MARCHF11: variants seen among roughly 807,000 people sequenced by gnomAD.
MARCHF11 encodes the protein E3 ubiquitin-protein ligase MARCHF11.
Under a neutral mutation model 37.3 loss-of-function variants are expected in MARCHF11, and 29 were observed. That is an observed-to-expected ratio of 0.78 (90% CI 0.58 to 1.06). The LOEUF is 1.06. Among genes scored for constraint, MARCHF11 ranks in the 50% least tolerant of loss-of-function variants. The pLI is 0.00. For missense variants in MARCHF11, 482 were observed against 533.4 expected (o/e 0.90, Z 0.95); for synonymous variants, 233 against 228.0 (o/e 1.02, Z -0.20).
chr5:16,069,269 C>T (rs1366342358), intron 3 of MARCHF11, among the ~76,000 whole-genome samples: 2 of 152,156 alleles, frequency 1.3e-5, no homozygotes, highest in South Asian at 2.1e-4. Context: ...AAATACTATA[C>T]ATTTTAATAA....
intron 2 of MARCHF11, among the ~76,000 whole-genome samples, chr5:16,137,727 T>A (rs898942998): frequency 6.6e-6 from 1 of 152,120 alleles, no homozygotes; most frequent in Non-Finnish European, 1.5e-5. Context: ...TCTGAGGTGG[T>A]CTCAGAGGGA....
intron 2 of MARCHF11, among the ~76,000 whole-genome samples, chr5:16,117,358 C>A (rs1300788570): frequency 6.6e-6 from 1 of 152,188 alleles, no homozygotes; most frequent in Non-Finnish European, 1.5e-5. Context: ...TTTCACTAAC[C>A]TTTTACAGCC....
At chr5:16,074,883 A>G (rs1204952423) in intron 3 of MARCHF11, among the ~76,000 whole-genome samples, 2 of 152,210 alleles carry the variant, frequency 1.3e-5, no homozygotes, top group Non-Finnish European at 2.9e-5. Context: ...AGCACACACA[A>G]GAAAATCAGT....
chr5:16,071,072 T>C (rs555497514), intron 3 of MARCHF11, among the ~76,000 whole-genome samples: 19 of 152,326 alleles, frequency 1.2e-4, no homozygotes, highest in African/African-American at 4.1e-4. Flanking sequence ...GCTCATTCTG[T>C]TGAAAATCCA....
At chr5:16,105,052 C>T (rs1737016092) in intron 2 of MARCHF11, among the ~76,000 whole-genome samples, 1 of 152,200 alleles carries the variant, frequency 6.6e-6, no homozygotes, top group South Asian at 2.1e-4. Flanking sequence ...AGGCAAATCC[C>T]CTAGCCCTTC....
intron 2 of MARCHF11, among the ~76,000 whole-genome samples, chr5:16,158,193 G>A (rs1313121471): frequency 6.6e-6 from 1 of 151,720 alleles, no homozygotes; most frequent in Non-Finnish European, 1.5e-5. Context: ...GCAAGGATGT[G>A]GAAAAAAGGG....
In MARCHF11 at chr5:16,179,071, T is replaced by A. The variant is rs1271739040; in HGVS notation, c.505A>T (p.Ile169Phe). 1 of 1,492,224 alleles carries A rather than the reference T, an allele frequency of 6.7e-7. No individual in the cohort carries two copies. The highest frequency in any genetic ancestry group is 8.9e-7 in the Non-Finnish European group (1 of 1,127,156). 92.4% of individuals were successfully genotyped at this position (1,492,224 alleles called of 1,614,324 possible). A position where few individuals can be genotyped will look rare whatever the true frequency, so the allele number is the denominator to read the frequency against. The change falls in exon 1 of 4, where the codon ATC (isoleucine) becomes TTC (phenylalanine). Residue 169 changes from isoleucine (I) to phenylalanine (F), a missense_variant. Coordinates refer to ENST00000332432, the MANE Select transcript of MARCHF11 (RefSeq NM_001102562.3). Reference sequence around the variant, plus strand: ...GCGCCCTGGAAGCAGATCTTGCAGATGGGCTGGTGGTGCTGGTGCTGGTGC... The same window carrying A: ...GCGCCCTGGAAGCAGATCTTGCAGAAGGGCTGGTGGTGCTGGTGCTGGTGC... ...AGHQHQHHQP[I>F]CKICFQGAEQ...
At chr5:16,145,909 C>T (rs1737788880) in intron 2 of MARCHF11, among the ~76,000 whole-genome samples, 1 of 152,120 alleles carries the variant, frequency 6.6e-6, no homozygotes, top group Non-Finnish European at 1.5e-5. Flanking sequence ...GATACAACTT[C>T]ACCTTTTTTA....
intron 2 of MARCHF11, among the ~76,000 whole-genome samples, chr5:16,116,532 A>T (rs1737229032): frequency 6.6e-6 from 1 of 152,146 alleles, no homozygotes; most frequent in African/African-American, 2.4e-5. Flanking sequence ...TACTATATGA[A>T]CTTCTAAAAA....
chr5:16,138,848 C>G (rs370029685), intron 2 of MARCHF11, among the ~76,000 whole-genome samples: 1 of 152,162 alleles, frequency 6.6e-6, no homozygotes. Context: ...ATGGGGCCTG[C>G]AACCTCTTTG....
rs1212831749 is a variant in MARCHF11 at position 16,125,140 on chromosome 5, C to T, written c.694-34059G>A. On this transcript the variant is annotated intron_variant, in intron 2 of 3. Transcript: ENST00000332432. ...GCAAAGTGGTGTTTAAGCCATACAT[C>T]GTAATTTGCAATTCCAACTCAATAG... Among the ~76,000 whole-genome samples, 8 of 151,498 alleles carry T rather than the reference C, an allele frequency of 5.3e-5. No individual in the cohort carries two copies. The East Asian group carries it at 1.4e-3, about 26-fold the overall frequency.
Position 16,090,892 on chromosome 5 carries a change from T to C in MARCHF11, c.883A>G (p.Ile295Val), listed in dbSNP as rs1381461223. 4 of 1,589,398 alleles carry C rather than the reference T, an allele frequency of 2.5e-6. No individual in the cohort carries two copies. Among genetic ancestry groups the C allele is most frequent in the Non-Finnish European group, 3.4e-6 (4 of 1,168,090 alleles). The change falls in exon 3 of 4, where the codon ATA (isoleucine) becomes GTA (valine). Residue 295 changes from isoleucine (I) to valine (V), a missense_variant. By Grantham distance (29) the Ile-to-Val change is conservative (BLOSUM62 3). Transcript: ENST00000332432. ...ACGTTGAAGGTCATGGTCTTACCTATGCACACTAGATCCATAAAACCATAC... is the reference window on the plus strand; with the variant it reads ...ACGTTGAAGGTCATGGTCTTACCTACGCACACTAGATCCATAAAACCATAC... ...GMYGFMDLVC[I>V]GLIVHEGAAV...
intron 2 of MARCHF11, among the ~76,000 whole-genome samples, chr5:16,116,563 T>C (rs1737229635): frequency 6.6e-6 from 1 of 152,112 alleles, no homozygotes; most frequent in Non-Finnish European, 1.5e-5. Context: ...GTGCTATTGG[T>C]TTCACTCTGT....
chr5:16,139,904 A>C (rs1466313047), intron 2 of MARCHF11, among the ~76,000 whole-genome samples: 3 of 152,170 alleles, frequency 2.0e-5, no homozygotes, highest in Non-Finnish European at 4.4e-5. Flanking sequence ...TTTTTATGGG[A>C]TGTTTTCACT....
In MARCHF11 at chr5:16,093,175, C is replaced by T. The variant is rs138148423; in HGVS notation, c.694-2094G>A. On this transcript the variant is annotated intron_variant, in intron 2 of 3. Transcript: ENST00000332432. Reference sequence around the variant, plus strand: ...TGTGTTTGACTTTCATATGGTGGGCCGCATGTTCGAAATGTGTATGCCGGA... The same window carrying T: ...TGTGTTTGACTTTCATATGGTGGGCTGCATGTTCGAAATGTGTATGCCGGA... Among the ~76,000 whole-genome samples, 13 of 151,980 alleles carry T rather than the reference C, an allele frequency of 8.6e-5. No individual in the cohort carries two copies. In the East Asian group the frequency reaches 1.4e-3, roughly 16 times the overall value.
rs760481416 is a variant in MARCHF11, at chr5:16,177,860, G to A, written c.559C>T (p.Arg187Ter). ...GTATACCGAACTGACCCATCACATC[G>A]GCAGGGGTTCAACAACTCACCCTAA... is the stretch of plus-strand genomic sequence containing the variant. ...AEQGELLNPC[R>*]CDGSVRYTHQ... The change falls in exon 2 of 4, where the codon CGA becomes TGA. Residue 187 changes from arginine to a stop codon, truncating the protein, a stop_gained. Transcript: ENST00000332432. LOFTEE classifies it high-confidence loss of function. The A allele has an allele frequency of 4.3e-6, 7 of 1,610,036 alleles. No individual in the cohort carries two copies. Among genetic ancestry groups the A allele is most frequent in the South Asian group, 1.1e-5 (1 of 90,234 alleles).
chr5:16,124,178 T>C (rs1441466516), intron 2 of MARCHF11, among the ~76,000 whole-genome samples: 5 of 151,812 alleles, frequency 3.3e-5, no homozygotes, highest in Non-Finnish European at 7.4e-5. Context: ...CTGGGAACAA[T>C]GGAGTGAATT....
chr5:16,101,294 T>C lies in MARCHF11; in HGVS notation c.694-10213A>G, dbSNP rs551198374. Among the ~76,000 whole-genome samples the C allele has an allele frequency of 2.6e-5, 4 of 152,234 alleles. No individual in the cohort carries two copies. In the East Asian group the frequency reaches 7.7e-4, roughly 29 times the overall value. ...AGGAGGCTGAGGCAGGAGAGTGGCG[T>C]GAACCCCGGAGGCGGAGCTTGCAGT... On this transcript the variant is annotated intron_variant, in intron 2 of 3. Transcript: ENST00000332432.
At chr5:16,106,906 T>A (rs1737050103) in intron 2 of MARCHF11, among the ~76,000 whole-genome samples, 1 of 152,166 alleles carries the variant, frequency 6.6e-6, no homozygotes, top group Non-Finnish European at 1.5e-5. Context: ...GGTGTTCTGA[T>A]TCTCTCTGGG....
Sources: gnomAD v4.1 joint callset for allele counts (sites outside exome capture counted in the v4.1 genomes callset) on GRCh38, gnomAD v4.1.1 for gene constraint, MANE v1.5 for transcripts, NCBI Gene and HGNC (gene_info 2026-07-23, HGNC 2026-07-21) for gene names.